Variants in GMDS observed in about 807,000 individuals in gnomAD.
The protein encoded by GMDS is GDP-mannose 4,6 dehydratase.
In GMDS, 20 loss-of-function variants were observed where a neutral mutation model predicts 49.9. That is an observed-to-expected ratio of 0.40 (90% CI 0.28 to 0.58). The LOEUF (loss-of-function observed/expected upper bound fraction) is 0.58, where lower values mean the gene tolerates loss of function less well. Ranked by LOEUF, GMDS falls within the 20% of genes least tolerant of loss-of-function variation. The pLI is 0.42. For missense variants in GMDS, 362 were observed against 481.4 expected (o/e 0.75, Z 2.32); for synonymous variants, 177 against 178.6 (o/e 0.99, Z 0.07).
chr6:2,122,974 T>A (rs891166963), intron 2 of GMDS, among the ~76,000 whole-genome samples: 5 of 152,246 alleles, frequency 3.3e-5, no homozygotes, highest in South Asian at 2.1e-4. Flanking sequence ...AATCTGCTCT[T>A]ACAATTTCAA....
Position 2,245,391 on chromosome 6 carries a change from G to A in GMDS, c.32C>T (p.Ala11Val), listed in dbSNP as rs772577879. Residue 11 changes from alanine to valine, a missense_variant, in exon 1 of 11, where the codon GCC becomes GTC. Coordinates refer to ENST00000380815, the MANE Select transcript of GMDS (RefSeq NM_001500.4). ...CATCTCGCCGTCCCCGGAGCCCCGGGCGCTGGGGCAGCGTGCCGGTGCGTG... is the reference window on the plus strand; with the variant it reads ...CATCTCGCCGTCCCCGGAGCCCCGGACGCTGGGGCAGCGTGCCGGTGCGTG... Reference protein sequence around the residue: MAHAPARCPSARGSGDGEMGK... With the variant: MAHAPARCPSVRGSGDGEMGK... 1 of 1,542,030 alleles carries A rather than the reference G, an allele frequency of 6.5e-7. No homozygotes were observed. The highest frequency in any genetic ancestry group is 1.2e-5 in the South Asian group (1 of 84,630).
chr6:1,999,151 G>T (rs926436361), intron 4 of GMDS, among the ~76,000 whole-genome samples: 1 of 151,772 alleles, frequency 6.6e-6, no homozygotes, highest in African/African-American at 2.4e-5. Context: ...GTGAAACCCC[G>T]TCTCTACTAA....
At chr6:2,156,731 C>T (rs1228000247) in intron 1 of GMDS, among the ~76,000 whole-genome samples, 1 of 151,834 alleles carries the variant, frequency 6.6e-6, no homozygotes, top group African/African-American at 2.4e-5. Context: ...GAATATGTCT[C>T]GGGGTAGATA....
chr6:2,027,333 A>T (rs1018433458), intron 4 of GMDS, among the ~76,000 whole-genome samples: 1 of 152,212 alleles, frequency 6.6e-6, no homozygotes, highest in African/African-American at 2.4e-5. Context: ...ATATAGAGAG[A>T]TTCACAGGTA....
rs953096488 is a variant in GMDS, at chr6:2,245,593, G to A, written c.-171C>T. On this transcript the variant is annotated 5_prime_UTR_variant, in exon 1 of 11. Coordinates refer to ENST00000380815, the MANE Select transcript of GMDS (RefSeq NM_001500.4). The stretch of plus-strand genomic sequence containing the variant: ...ACAGTCTGACAGGGGCGCACGGGAG[G>A]CCGTGCAGGGAGGGCCGGGGGCGGG... 3.1e-5 allele frequency: 12 copies of A among 389,414 alleles called. No homozygotes were observed. Among genetic ancestry groups the A allele is most frequent in the African/African-American group, 1.9e-4 (9 of 47,060 alleles). The allele number at this position is 389,414 out of a possible 1,614,324, so 24.1% of individuals were successfully genotyped here.
At chr6:1,628,853 TC>T (rs1762918219) in intron 9 of GMDS, among the ~76,000 whole-genome samples, 1 of 152,224 alleles carries the variant, frequency 6.6e-6, no homozygotes, top group Admixed American at 6.5e-5. Context: ...CGCTTAATAT[TC>T]TTTTTTTCCC....
intron 7 of GMDS, among the ~76,000 whole-genome samples, chr6:1,916,640 T>C (rs1471378899): frequency 6.6e-6 from 1 of 152,200 alleles, no homozygotes; most frequent in African/African-American, 2.4e-5. Flanking sequence ...AAAGCCAGTG[T>C]AATTTCTTTG....
intron 6 of GMDS, among the ~76,000 whole-genome samples, chr6:1,958,283 ATTAACTT>A (rs1439744595): frequency 6.6e-6 from 1 of 152,058 alleles, no homozygotes; most frequent in Non-Finnish European, 1.5e-5. Context: ...ATTCACAACA[ATTAACTT>A]TTATTTTTTT....
chr6:1,775,785 G>A (rs909345414), intron 7 of GMDS, among the ~76,000 whole-genome samples: 1 of 152,112 alleles, frequency 6.6e-6, no homozygotes, highest in African/African-American at 2.4e-5. Context: ...GAAATACAGA[G>A]AAATTATCCT....
intron 7 of GMDS, among the ~76,000 whole-genome samples, chr6:1,861,634 A>G (rs570453851): frequency 6.9e-6 from 1 of 144,284 alleles, no homozygotes; most frequent in South Asian, 2.1e-4. Context: ...AAAAAAAAAG[A>G]AAAAAAAATG....
rs35230658 is a variant in GMDS at position 2,059,707 on chromosome 6, CAA to C, written c.345+56062_345+56063del. Among the ~76,000 whole-genome samples, 17 of 17,764 alleles carry C rather than the reference CAA, an allele frequency of 9.6e-4. No individual in the cohort carries two copies. In the South Asian group the frequency reaches 0.041, roughly 43 times the overall value. The allele number at this position is 17,764 out of a possible 152,430, so 11.7% of individuals were successfully genotyped here. On this transcript the variant is annotated intron_variant, in intron 4 of 10. Transcript: ENST00000380815. ...TGGGCGACAGAGCGAGACTCCGTCT[CAA>C]AAAAAAAAAAAAAAAAAATGCACTA... is the stretch of plus-strand genomic sequence containing the variant.
intron 9 of GMDS, among the ~76,000 whole-genome samples, chr6:1,627,203 C>A (rs186154522): frequency 6.6e-6 from 1 of 152,238 alleles, no homozygotes; most frequent in Non-Finnish European, 1.5e-5. Flanking sequence ...TTACACTTAA[C>A]TGTTCCTGAA....
intron 7 of GMDS, among the ~76,000 whole-genome samples, chr6:1,823,697 G>A (rs1250686107): frequency 1.3e-5 from 2 of 151,972 alleles, no homozygotes; most frequent in African/African-American, 4.8e-5. Context: ...AATATATATG[G>A]CTTCAAATAT....
chr6:1,709,477 G>A (rs1376452861), intron 9 of GMDS, among the ~76,000 whole-genome samples: 1 of 152,218 alleles, frequency 6.6e-6, no homozygotes, highest in African/African-American at 2.4e-5. Context: ...TGTTCCCTGA[G>A]CAGCTGGAGG....
At chr6:1,682,201 T>C (rs1450437428) in intron 9 of GMDS, among the ~76,000 whole-genome samples, 1 of 152,252 alleles carries the variant, frequency 6.6e-6, no homozygotes, top group African/African-American at 2.4e-5. Context: ...AATTTCATGA[T>C]ATGTCTTTAT....
chr6:1,638,065 G>T (rs1763218240), intron 9 of GMDS, among the ~76,000 whole-genome samples: 1 of 152,214 alleles, frequency 6.6e-6, no homozygotes, highest in Non-Finnish European at 1.5e-5. Flanking sequence ...TAGAGGCTGA[G>T]GTGTGTAAAG....
Position 1,965,249 on chromosome 6 carries a change from G to C in GMDS, c.346-4283C>G, listed in dbSNP as rs1050003626. 1.6e-4 allele frequency among the ~76,000 whole-genome samples: 24 copies of C among 152,140 alleles called. 1 individual carries two copies. The highest frequency in any genetic ancestry group is 1.5e-5 in the Non-Finnish European group (1 of 68,036). On this transcript the variant is annotated intron_variant, in intron 4 of 10. Transcript: ENST00000380815. ...TTCTAGATCCCTGAGGAATCGCCTA[G>C]AGCACATAACTCATGGAAAAGAATT...
chr6:1,730,654 C>T (rs577513982), intron 8 of GMDS, among the ~76,000 whole-genome samples: 1 of 152,264 alleles, frequency 6.6e-6, no homozygotes, highest in East Asian at 1.9e-4. Context: ...CACCACACAG[C>T]TCTCTGTGGG....
intron 1 of GMDS, among the ~76,000 whole-genome samples, chr6:2,219,007 G>A (rs1780462477): frequency 6.6e-6 from 1 of 152,116 alleles, no homozygotes; most frequent in Admixed American, 6.6e-5. Flanking sequence ...TGAGGAGGGA[G>A]GACCGCTTGA....
Sources: allele counts gnomAD v4.1 joint callset (sites outside exome capture counted in the v4.1 genomes callset), GRCh38; gene constraint gnomAD v4.1.1; transcripts MANE v1.5; gene names NCBI Gene and HGNC (gene_info 2026-07-23, HGNC 2026-07-21).